Variants in SLC9D1 observed in about 807,000 individuals in gnomAD.
SLC9D1 encodes putative LAG1-interacting protein.
At chr13:113,527,477 G>A in the SLC9D1 span, 1 of 152,218 alleles carries the variant, frequency 6.6e-6, no homozygotes, top group South Asian at 2.1e-4. Flanking sequence ...TCCTCATCCA[G>A]TGCCTGGGAA....
At chr13:113,547,805 A>AGT in the SLC9D1 span, among the ~76,000 whole-genome samples, 5 of 152,326 alleles carry the variant, frequency 3.3e-5, no homozygotes, top group Admixed American at 1.3e-4. Flanking sequence ...GTCAGCAACC[A>AGT]GTGGCTTTCT....
chr13:113,516,539 C>G, the SLC9D1 span, among the ~76,000 whole-genome samples: 4 of 150,116 alleles, frequency 2.7e-5, no homozygotes, highest in Non-Finnish European at 4.4e-5. Context: ...GCACTCCAGC[C>G]TGGGCCACAG....
the SLC9D1 span, among the ~76,000 whole-genome samples, chr13:113,515,016 C>G: frequency 5.9e-5 from 9 of 152,194 alleles, no homozygotes; most frequent in African/African-American, 2.2e-4. Context: ...CCGCACCTGG[C>G]CCTGGCAGAC....
chr13:113,519,526 T>G, the SLC9D1 span, among the ~76,000 whole-genome samples: 1 of 152,384 alleles, frequency 6.6e-6, no homozygotes, highest in Middle Eastern at 3.4e-3. Flanking sequence ...TTTCCTTTCT[T>G]CTTTCCAGAG....
the SLC9D1 span, among the ~76,000 whole-genome samples, chr13:113,537,899 G>A: frequency 6.6e-6 from 1 of 152,166 alleles, no homozygotes; most frequent in Admixed American, 6.5e-5. Flanking sequence ...GTGTGTGTGT[G>A]CGTGCATGTG....
chr13:113,506,200 A>G, the SLC9D1 span: 55 of 29,460 alleles, frequency 1.9e-3, no homozygotes, highest in South Asian at 5.2e-3. Context: ...ACGGGTGGGG[A>G]GGGTAAGGGG....
the SLC9D1 span, among the ~76,000 whole-genome samples, chr13:113,512,678 A>G: frequency 3.3e-3 from 268 of 81,704 alleles, no homozygotes; most frequent in African/African-American, 4.7e-3. Context: ...AGATGGAGAG[A>G]GTCAGTATAT....
At chr13:113,548,536 G>C in the SLC9D1 span, 3 of 1,467,630 alleles carry the variant, frequency 2.0e-6, no homozygotes, top group South Asian at 2.6e-5. Context: ...AAGGCGGCTC[G>C]GCAGCACAGC....
At chr13:113,512,308 T>G in the SLC9D1 span, among the ~76,000 whole-genome samples, 10 of 85,732 alleles carry the variant, frequency 1.2e-4, no homozygotes, top group African/African-American at 2.8e-4. Flanking sequence ...ACTCGGAGTC[T>G]CAGGGGCCGG....
chr13:113,546,719 C>T, the SLC9D1 span, among the ~76,000 whole-genome samples: 16 of 152,228 alleles, frequency 1.1e-4, no homozygotes, highest in South Asian at 3.1e-3. The surrounding 1 kb of genome is among the most constrained non-coding windows in gnomAD (Gnocchi z 7.1). Context: ...GAGAGCTGAG[C>T]CCAAGCTCAG....
At chr13:113,498,155 T>C in the SLC9D1 span, among the ~76,000 whole-genome samples, 1 of 152,238 alleles carries the variant, frequency 6.6e-6, no homozygotes, top group African/African-American at 2.4e-5. Context: ...CAAAAACCTT[T>C]CCCTAAACAT....
the SLC9D1 span, chr13:113,524,251 C>CT: frequency 6.8e-6 from 3 of 442,554 alleles, no homozygotes; most frequent in Non-Finnish European, 1.4e-5. Flanking sequence ...AGCTTTTGCT[C>CT]TATGTATTTT....
the SLC9D1 span, among the ~76,000 whole-genome samples, chr13:113,525,815 G>A: frequency 2.9e-5 from 4 of 138,618 alleles, no homozygotes; most frequent in East Asian, 2.2e-4. Context: ...CATCGTCGTC[G>A]TAGGAGACGA....
the SLC9D1 span, chr13:113,498,714 A>G: frequency 2.1e-6 from 1 of 482,564 alleles, no homozygotes; most frequent in South Asian, 2.8e-5. Flanking sequence ...TTCCTTTTAT[A>G]TTTTTAACAC....
the SLC9D1 span, among the ~76,000 whole-genome samples, chr13:113,491,497 C>T: frequency 1.3e-5 from 2 of 151,224 alleles, no homozygotes; most frequent in Admixed American, 6.6e-5. Flanking sequence ...TCCTTCCTTC[C>T]CTCCCTCCCT....
chr13:113,521,038 C>A, the SLC9D1 span, among the ~76,000 whole-genome samples: 1 of 152,052 alleles, frequency 6.6e-6, no homozygotes, highest in Non-Finnish European at 1.5e-5. Flanking sequence ...ATGCTTAGAA[C>A]AATGTCCAGA....
the SLC9D1 span, among the ~76,000 whole-genome samples, chr13:113,540,536 G>A: frequency 6.6e-6 from 1 of 152,230 alleles, no homozygotes; most frequent in African/African-American, 2.4e-5. Context: ...CCGTGTGAAT[G>A]TCTTTTGAGA....
the SLC9D1 span, chr13:113,498,333 A>G: frequency 1.3e-6 from 2 of 1,519,998 alleles, no homozygotes; most frequent in Non-Finnish European, 1.7e-6. Flanking sequence ...TTTTCTTACA[A>G]ATGAATAGGA....
the SLC9D1 span, among the ~76,000 whole-genome samples, chr13:113,543,072 GCCCTACCTCTGTCTGTGAC>G: frequency 2.0e-4 from 3 of 14,802 alleles, no homozygotes; most frequent in African/African-American, 1.0e-3. Context: ...CCTGCCTCCC[GCCCTACCTCTGTCTGTGAC>G]CCCCACCTCC....
Sources: allele counts gnomAD v4.1 joint callset (sites outside exome capture counted in the v4.1 genomes callset), GRCh38; gene constraint gnomAD v4.1.1; non-coding constraint Gnocchi (gnomAD v3.1); transcripts MANE v1.5; gene names NCBI Gene and HGNC (gene_info 2026-07-23, HGNC 2026-07-21).